Variants in CFAP410 observed in about 807,000 individuals in gnomAD.
CFAP410 encodes the protein cilia and flagella associated protein 410, also known as cilia- and flagella-associated protein 410.
Under a neutral mutation model 25.7 loss-of-function variants are expected in CFAP410, and 27 were observed. The ratio of observed to expected loss-of-function variants is 1.05; its 90% CI spans 0.77 to 1.45. The LOEUF (loss-of-function observed/expected upper bound fraction) is 1.45. Among genes scored for constraint, CFAP410 ranks in the 40% most tolerant of loss-of-function variants. The pLI is 0.00. For synonymous variants in CFAP410, 178 were observed against 158.4 expected, an observed-to-expected ratio of 1.12 and a Z score of -0.93; for missense variants, 428 against 354.1, an observed-to-expected ratio of 1.21 and a Z score of -1.67.
At chr21:44,337,080 G>A (rs1465334360) in intron 2 of CFAP410, among the ~76,000 whole-genome samples, 4 of 124,464 alleles carry the variant, frequency 3.2e-5, no homozygotes, top group Non-Finnish European at 6.8e-5. Flanking sequence ...GAGAGACTCC[G>A]TGTAAAAAAA....
At chr21:44,339,020 G>T (rs1380848346) in intron 1 of CFAP410, 98 bp downstream of exon 1, 2 of 382,270 alleles carry the variant, frequency 5.2e-6, no homozygotes, top group Non-Finnish European at 8.5e-6. Context: ...CTCCGGCTCC[G>T]CCCTCTCCCC....
chr21:44,338,939 GCCCCGGCTCCGCCCTCT>G (rs2146090339), intron 1 of CFAP410, among the ~76,000 whole-genome samples, 162 bp downstream of exon 1: 1 of 34,340 alleles, frequency 2.9e-5, no homozygotes, highest in South Asian at 1.9e-3. Flanking sequence ...CCCTCTCCCC[GCCCCGGCTCCGCCCTCT>G]CCCCGCCCCG....
Position 44,339,142 on chromosome 21 carries a change from T to C in CFAP410, c.53A>G (p.His18Arg), listed in dbSNP as rs950292266. The C allele has an allele frequency of 5.4e-6, 8 of 1,470,998 alleles. No individual in the cohort carries two copies. Among genetic ancestry groups the C allele is most frequent in the Non-Finnish European group, 7.2e-6 (8 of 1,107,402 alleles). 91.1% of individuals were successfully genotyped at this position (1,470,998 alleles called of 1,614,324 possible). ...VLTRAKASELHSVRKLNCWGS... is the reference protein window; with the variant it reads ...VLTRAKASELRSVRKLNCWGS... Reference sequence around the variant, plus strand: ...CCAGCAGTTGAGCTTGCGCACGCTGTGCAGCTCCGAGGCCTTGGCCCGGGT... The same window carrying C: ...CCAGCAGTTGAGCTTGCGCACGCTGCGCAGCTCCGAGGCCTTGGCCCGGGT... Residue 18 changes from histidine (H) to arginine (R), a missense_variant, in exon 1 of 7, where the codon CAC becomes CGC. His to Arg is a conservative substitution (Grantham distance 29). Transcript: ENST00000339818.
chr21:44,331,593 G>T lies in CFAP410; in HGVS notation c.545+250C>A, dbSNP rs1300914515. On this transcript the variant is annotated intron_variant, in intron 5 of 6. Coordinates refer to ENST00000339818, the MANE Select transcript of CFAP410 (RefSeq NM_004928.3). ...AGCCTTCTCTGTGCCAGGGCACGGG[G>T]CCTGGCTCACCCCCTCTCCTGCTCC... 4 of 509,952 alleles carry T rather than the reference G, an allele frequency of 7.8e-6. No homozygotes were observed. In the Admixed American group the frequency reaches 1.2e-4, roughly 15 times the overall value. The allele number at this position is 509,952 out of a possible 1,614,324, so 31.6% of individuals were successfully genotyped here.
In CFAP410 at chr21:44,335,885, C is replaced by A. The variant is rs111711465; in HGVS notation, c.97-81G>T. 3.3e-4 allele frequency: 376 copies of A among 1,131,564 alleles called. 1 individual carries two copies. In the African/African-American group the frequency reaches 5.2e-3, roughly 16 times the overall value. The allele number at this position is 1,131,564 out of a possible 1,614,324, so 70.1% of individuals were successfully genotyped here. ...ACTGCCATCAGCCACAGAGAACTGTCGAAGCCACGGCCAACCCACTTCCGG... is the reference window on the plus strand; with the variant it reads ...ACTGCCATCAGCCACAGAGAACTGTAGAAGCCACGGCCAACCCACTTCCGG... On this transcript the variant is annotated intron_variant, in intron 2 of 6. Coordinates refer to ENST00000339818, the MANE Select transcript of CFAP410 (RefSeq NM_004928.3).
chr21:44,337,788 G>A lies in CFAP410; in HGVS notation c.78-121C>T, dbSNP rs1255309497. On this transcript the variant is annotated intron_variant, in intron 1 of 6. Coordinates refer to ENST00000339818, the MANE Select transcript of CFAP410 (RefSeq NM_004928.3). ...ACCTTAAGATTCTAGGATTTTAATG[G>A]CATGGCAAAAAAGGAAGGTTGCCCA... 7 of 785,008 alleles carry A rather than the reference G, an allele frequency of 8.9e-6. No individual in the cohort carries two copies. The East Asian group carries it at 1.8e-4, about 21-fold the overall frequency. 48.6% of individuals were successfully genotyped at this position (785,008 alleles called of 1,614,324 possible). A position where few individuals can be genotyped will look rare whatever the true frequency, so the allele number is the denominator to read the frequency against.
chr21:44,329,534 A>C lies in CFAP410; in HGVS notation c.*664T>G, dbSNP rs1216319870. The stretch of plus-strand genomic sequence containing the variant: ...CCCTAGTCTAGCTGCTTCCTGTGCC[A>C]GGCCCGGACCCCAGGGCGAACAGGC... On this transcript the variant is annotated 3_prime_UTR_variant, in exon 7 of 7. Coordinates refer to ENST00000339818, the MANE Select transcript of CFAP410 (RefSeq NM_004928.3). 3 of 152,316 alleles carry C rather than the reference A, an allele frequency of 2.0e-5. No individual in the cohort carries two copies. Among genetic ancestry groups the C allele is most frequent in the Non-Finnish European group, 1.5e-5 (1 of 68,138 alleles). 9.4% of individuals were successfully genotyped at this position (152,316 alleles called of 1,614,324 possible). A position where few individuals can be genotyped will look rare whatever the true frequency, so the allele number is the denominator to read the frequency against.
chr21:44,331,186 T>C, intron 5 of CFAP410: 1 of 539,438 alleles, frequency 1.9e-6, no homozygotes. Flanking sequence ...ACCCAGGGCT[T>C]CAGGGGCAGG....
chr21:44,339,184 G>A lies in CFAP410; in HGVS notation c.11C>T (p.Thr4Met), dbSNP rs1251364740. 6.8e-7 allele frequency: 1 copy of A among 1,466,594 alleles called. No homozygotes were observed. Among genetic ancestry groups the A allele is most frequent in the Non-Finnish European group, 9.1e-7 (1 of 1,104,858 alleles). The allele number at this position is 1,466,594 out of a possible 1,614,324, so 90.8% of individuals were successfully genotyped here. The stretch of plus-strand genomic sequence containing the variant: ...GGCCCGGGTCAGAACCATCTTCCGC[G>A]TCAGCTTCATGGCGGCCGCCCAGGC... MKL[T>M]RKMVLTRAKA... Residue 4 changes from threonine to methionine, a missense_variant, in exon 1 of 7, where the codon ACG becomes ATG. Thr to Met is a moderately conservative substitution (Grantham distance 81). Transcript: ENST00000339818.
chr21:44,333,380 A>G, intron 3 of CFAP410, 118 bp from the exon 4 acceptor site: 1 of 783,652 alleles, frequency 1.3e-6, no homozygotes, highest in Non-Finnish European at 2.1e-6. Flanking sequence ...CTCTCCTGAG[A>G]AGCCTAAATC....
chr21:44,329,023 C>T lies in CFAP410; in HGVS notation c.*1175G>A, dbSNP rs77610661. 0.021 allele frequency: 3,152 copies of T among 152,734 alleles called. 100 individuals carry two copies. Among genetic ancestry groups the T allele is most frequent in the African/African-American group, 0.071 (2,952 of 41,578 alleles). The allele number at this position is 152,734 out of a possible 1,614,324, so 9.5% of individuals were successfully genotyped here. ...CAGACACAGGCCTGAACTGTCCACC[C>T]TCTATGTCCCGAGTGGTGACTCCAC... On this transcript the variant is annotated 3_prime_UTR_variant, in exon 7 of 7. Transcript: ENST00000339818.
Position 44,330,311 on chromosome 21 carries a change from T to A in CFAP410, c.658A>T (p.Ile220Phe), listed in dbSNP as rs2047620419. The A allele has an allele frequency of 5.0e-6, 8 of 1,610,854 alleles. No homozygotes were observed. Among genetic ancestry groups the A allele is most frequent in the Non-Finnish European group, 6.8e-6 (8 of 1,179,004 alleles). Residue 220 changes from isoleucine to phenylalanine, a missense_variant, in exon 7 of 7, where the codon ATC becomes TTC. Ile to Phe is a conservative substitution (Grantham distance 21). Transcript: ENST00000339818. ...SHRGRNVLTA[I>F]LLLLRELDAE... Reference sequence around the variant, plus strand: ...TCCAGCTCCCGCAGCAGCAGCAGGATGGCAGTCAGGACGTTCTGAGGGCAG... The same window carrying A: ...TCCAGCTCCCGCAGCAGCAGCAGGAAGGCAGTCAGGACGTTCTGAGGGCAG...
Position 44,333,224 on chromosome 21 carries a change from C to T in CFAP410, c.182G>A (p.Cys61Tyr), listed in dbSNP as rs1057518441. 1 of 1,612,774 alleles carries T rather than the reference C, an allele frequency of 6.2e-7. No homozygotes were observed. The highest frequency in any genetic ancestry group is 8.5e-7 in the Non-Finnish European group (1 of 1,179,848). ...CAGGTACAGCTCACTCAGGCGCTGG[C>T]ACCGGCTCACAGGCTCCAGGGTGGA... The part of the protein sequence containing the change: ...SISTLEPVSR[C>Y]QRLSELYLRR... Residue 61 changes from cysteine (C) to tyrosine (Y), a missense_variant, in exon 4 of 7, where the codon TGC becomes TAC. Coordinates refer to ENST00000339818, the MANE Select transcript of CFAP410 (RefSeq NM_004928.3).
At chr21:44,330,412 C>A (rs577434910) in intron 6 of CFAP410, 86 bp from the exon 7 acceptor site, 2 of 1,564,832 alleles carry the variant, frequency 1.3e-6, no homozygotes, top group East Asian at 4.6e-5. Flanking sequence ...CCAGCGGTGC[C>A]CCACCACGGA....
intron 1 of CFAP410, chr21:44,338,365 C>A: frequency 8.2e-7 from 1 of 1,220,756 alleles, no homozygotes; most frequent in African/African-American, 1.6e-5. Context: ...GGAGATCTTG[C>A]AGGCCTCAAC....
Position 44,330,792 on chromosome 21 carries a change from C to A in CFAP410, c.642+31G>T, listed in dbSNP as rs747917720. Reference sequence around the variant, plus strand: ...GTGCAGTGGGTGCAGTGGGCAGAGGCAGCCGCGGCCCCTAGCGGCCCGCCA... The same window carrying A: ...GTGCAGTGGGTGCAGTGGGCAGAGGAAGCCGCGGCCCCTAGCGGCCCGCCA... On this transcript the variant is annotated intron_variant, in intron 6 of 6. Transcript: ENST00000339818. The A allele has an allele frequency of 3.2e-6, 5 of 1,563,862 alleles. No homozygotes were observed. In the South Asian group the frequency reaches 5.9e-5, roughly 18 times the overall value.
chr21:44,334,471 G>T (rs2047710601), intron 3 of CFAP410: 40 of 199,444 alleles, frequency 2.0e-4, no homozygotes, highest in South Asian at 1.2e-3. Flanking sequence ...AACGAGCCCC[G>T]CGGCAGGCAC....
At chr21:44,337,601 A>G (rs1568992657) in intron 2 of CFAP410, 48 bp downstream of exon 2, 5 of 1,575,680 alleles carry the variant, frequency 3.2e-6, no homozygotes, top group Non-Finnish European at 4.3e-6. Context: ...GGTTGAGGCT[A>G]TTTGGAGATG....
chr21:44,332,830 A>C, intron 4 of CFAP410: 1 of 595,786 alleles, frequency 1.7e-6, no homozygotes. Flanking sequence ...GAGGGACCCT[A>C]CGCTGCGCTG....
Sources: gnomAD v4.1 joint callset for allele counts (sites outside exome capture counted in the v4.1 genomes callset) on GRCh38, gnomAD v4.1.1 for gene constraint, MANE v1.5 for transcripts, NCBI Gene and HGNC (gene_info 2026-07-23, HGNC 2026-07-21) for gene names.